Variants in DNAH17 observed in about 807,000 individuals in gnomAD.
DNAH17 encodes the protein dynein axonemal heavy chain 17.
In DNAH17, 376 loss-of-function variants were observed where a neutral mutation model predicts 485.6. The observed-to-expected ratio is 0.77, with a 90% CI of 0.71 to 0.84. The LOEUF is 0.84. Ranked by LOEUF, DNAH17 falls within the 40% of genes least tolerant of loss-of-function variation. The pLI is 0.00. For synonymous variants in DNAH17, 3,031 were observed against 2,405.9 expected, an observed-to-expected ratio of 1.26 and a Z score of -7.60; for missense variants, 6,370 against 5,839.3, an observed-to-expected ratio of 1.09 and a Z score of -2.96.
rs369238669 is a variant in DNAH17 at position 78,445,687 on chromosome 17, G to C, written c.11212-7C>G. ...CCTTCTTCATGGACAGGACCTGGGG[G>C]AACATCGAGGTGTACACACTTAACG... On this transcript the variant is annotated splice_polypyrimidine_tract_variant and splice_region_variant and intron_variant, in intron 69 of 80. Transcript: ENST00000389840. The C allele has an allele frequency of 1.9e-6, 3 of 1,589,714 alleles. No individual in the cohort carries two copies. The highest frequency in any genetic ancestry group is 1.3e-5 in the African/African-American group (1 of 74,520).
At chr17:78,442,084 G>GAA (rs112049270) in intron 71 of DNAH17, among the ~76,000 whole-genome samples, 12,126 of 149,240 alleles carry the variant, frequency 0.081, 548 homozygotes, top group Middle Eastern at 0.12. Flanking sequence ...CTCCATCTCA[G>GAA]AAAAAAAAAA....
chr17:78,456,172 G>A (rs538052163), intron 62 of DNAH17, among the ~76,000 whole-genome samples: 1 of 152,272 alleles, frequency 6.6e-6, no homozygotes, highest in African/African-American at 2.4e-5. Flanking sequence ...GGTGGCCCAT[G>A]CCTGTAATCC....
At chr17:78,460,697 T>C (rs556923911) in intron 58 of DNAH17, among the ~76,000 whole-genome samples, 135 of 152,328 alleles carry the variant, frequency 8.9e-4, no homozygotes, top group African/African-American at 3.1e-3. Context: ...GAATGGGAAC[T>C]GTTCCTTCTA....
At chr17:78,563,796 C>T (rs2092210789) in intron 11 of DNAH17, among the ~76,000 whole-genome samples, 1 of 152,042 alleles carries the variant, frequency 6.6e-6, no homozygotes, top group Non-Finnish European at 1.5e-5. Flanking sequence ...AACCCCAGGG[C>T]CCTATCCTAT....
intron 19 of DNAH17, 25 bp from the exon 20 acceptor site, chr17:78,532,761 A>C (rs936335917): frequency 8.3e-6 from 13 of 1,562,952 alleles, no homozygotes; most frequent in Non-Finnish European, 1.1e-5. Context: ...GGAGAAGCAA[A>C]AAGGGGAGGT....
intron 55 of DNAH17, among the ~76,000 whole-genome samples, chr17:78,467,434 G>A (rs560993374): frequency 6.6e-6 from 1 of 152,254 alleles, no homozygotes; most frequent in Non-Finnish European, 1.5e-5. Flanking sequence ...TGACGTGAGG[G>A]TGCAGGACAG....
At chr17:78,469,577 T>C (rs2088650558) in intron 54 of DNAH17, among the ~76,000 whole-genome samples, 1 of 152,090 alleles carries the variant, frequency 6.6e-6, no homozygotes, top group South Asian at 2.1e-4. Flanking sequence ...TAGCAAGACC[T>C]TGTCTCTAAG....
In DNAH17 at chr17:78,437,875, C is replaced by T; in HGVS notation, c.11806-7G>A. ...GGGCCACCAGGTGGATATTCTGCAGCCAAGACTAGAGGCTGGTTACACACT... is the reference window on the plus strand; with the variant it reads ...GGGCCACCAGGTGGATATTCTGCAGTCAAGACTAGAGGCTGGTTACACACT... On this transcript the variant is annotated splice_region_variant and splice_polypyrimidine_tract_variant and intron_variant, in intron 73 of 80. Transcript: ENST00000389840. 6.2e-7 allele frequency: 1 copy of T among 1,602,556 alleles called. No individual in the cohort carries two copies. Among genetic ancestry groups the T allele is most frequent in the East Asian group, 2.2e-5 (1 of 44,718 alleles).
chr17:78,568,769 T>A (rs2092307642), intron 9 of DNAH17, among the ~76,000 whole-genome samples: 1 of 152,194 alleles, frequency 6.6e-6, no homozygotes, highest in Non-Finnish European at 1.5e-5. Context: ...TTTTTAAGTT[T>A]TTATCTGCTG....
chr17:78,558,381 G>A, intron 13 of DNAH17, 127 bp from the exon 14 acceptor site: 1 of 1,201,432 alleles, frequency 8.3e-7, no homozygotes, highest in Non-Finnish European at 1.1e-6. Context: ...AAGTTGGTGG[G>A]AGGCAGTATT....
At chr17:78,458,860 T>A in intron 61 of DNAH17, 141 bp downstream of exon 61, 3 of 1,089,334 alleles carry the variant, frequency 2.8e-6, no homozygotes, top group Non-Finnish European at 4.1e-6. Flanking sequence ...ATCTGGCCCC[T>A]GCCTCTGCCT....
chr17:78,537,547 C>T (rs1202240990), intron 18 of DNAH17, 66 bp from the exon 19 acceptor site: 3 of 1,530,026 alleles, frequency 2.0e-6, no homozygotes, highest in Non-Finnish European at 2.7e-6. Flanking sequence ...TCTCAGTGCC[C>T]TGATCATCCA....
intron 30 of DNAH17, 64 bp downstream of exon 30, chr17:78,506,656 G>C (rs1022292689): frequency 3.1e-6 from 5 of 1,609,050 alleles, no homozygotes; most frequent in Non-Finnish European, 3.4e-6. Context: ...TTGAGGTAGA[G>C]GTGCCCACCT....
chr17:78,424,262 T>C (rs966410761), intron 80 of DNAH17, 109 bp from the exon 81 acceptor site: 9 of 1,390,640 alleles, frequency 6.5e-6, no homozygotes, highest in Middle Eastern at 2.6e-4. Context: ...AGCTGGGCTC[T>C]ACCCCAAAAG....
intron 21 of DNAH17, 102 bp from the exon 22 acceptor site, chr17:78,529,796 T>G: frequency 8.4e-7 from 1 of 1,188,532 alleles, no homozygotes; most frequent in Non-Finnish European, 1.2e-6. Flanking sequence ...TGAGGTCAAC[T>G]GGCCATCACT....
intron 69 of DNAH17, among the ~76,000 whole-genome samples, chr17:78,449,111 T>TA (rs1286239403): frequency 6.6e-6 from 1 of 152,210 alleles, no homozygotes; most frequent in East Asian, 1.9e-4. Flanking sequence ...CAGGACTATT[T>TA]ACTCAGCACA....
intron 74 of DNAH17, 35 bp from the exon 75 acceptor site, chr17:78,434,255 G>A (rs1375312501): frequency 1.9e-6 from 3 of 1,568,014 alleles, no homozygotes; most frequent in Non-Finnish European, 2.6e-6. Flanking sequence ...GTATTAGGGA[G>A]AGGGAGAAGT....
chr17:78,468,802 C>T lies in DNAH17; in HGVS notation c.8593G>A (p.Glu2865Lys), dbSNP rs558955765. 59 of 1,614,038 alleles carry T rather than the reference C, an allele frequency of 3.7e-5. No homozygotes were observed. Among genetic ancestry groups the T allele is most frequent in the East Asian group, 4.5e-5 (2 of 44,890 alleles). Residue 2865 changes from glutamate to lysine, a missense_variant, in exon 55 of 81, where the codon GAG (glutamate) becomes AAG (lysine). Transcript: ENST00000389840. ...TTGATCAGCACCAGAAACTGCTCCT[C>T]GGCCACCTGGGAGTCTGTCATCAGG... Reference protein sequence around the residue: ...VFLMTDSQVAEEQFLVLINDL... With the variant: ...VFLMTDSQVAKEQFLVLINDL...
chr17:78,450,969 G>T (rs2087523622), intron 66 of DNAH17, 123 bp from the exon 67 acceptor site: 2 of 1,232,352 alleles, frequency 1.6e-6, no homozygotes, highest in Non-Finnish European at 2.3e-6. Context: ...AACGAGCTCA[G>T]GTCCTGGAAG....
Sources: allele counts gnomAD v4.1 joint callset (sites outside exome capture counted in the v4.1 genomes callset), GRCh38; gene constraint gnomAD v4.1.1; transcripts MANE v1.5; gene names NCBI Gene and HGNC (gene_info 2026-07-23, HGNC 2026-07-21).